The following PDPN variants were observed in gnomAD, a reference collection of about 807,000 sequenced individuals.
PDPN encodes PA2.26 antigen.
A neutral mutation model predicts 23.2 loss-of-function variants in PDPN; 12 were observed. That is an observed-to-expected ratio of 0.52 (90% CI 0.33 to 0.84). PDPN has a LOEUF of 0.84. Among genes scored for constraint, PDPN ranks in the 40% least tolerant of loss-of-function variants. PDPN has a pLI of 0.02. For missense variants in PDPN, 199 were observed against 212.2 expected (o/e 0.94, Z 0.39); for synonymous variants, 77 against 76.7 (o/e 1.00, Z -0.02).
intron 2 of PDPN, among the ~76,000 whole-genome samples, chr1:13,610,037 C>T (rs550074581): frequency 1.3e-5 from 2 of 152,214 alleles, no homozygotes; most frequent in Middle Eastern, 3.4e-3. Flanking sequence ...GCACTCCAGC[C>T]TGGGCAACAA....
At chr1:13,590,478 C>T (rs1640310443) in intron 1 of PDPN, among the ~76,000 whole-genome samples, 1 of 152,104 alleles carries the variant, frequency 6.6e-6, no homozygotes, top group South Asian at 2.1e-4. Context: ...CTAGAAAAAG[C>T]CTTGTGGGGA....
chr1:13,585,033 C>T (rs1282341134), intron 1 of PDPN, among the ~76,000 whole-genome samples: 2 of 152,216 alleles, frequency 1.3e-5, no homozygotes, highest in African/African-American at 2.4e-5. Flanking sequence ...GACGCAGCTA[C>T]ATCCAGCCAT....
intron 2 of PDPN, 32 bp downstream of exon 2, chr1:13,607,338 C>T (rs569347079): frequency 5.6e-5 from 89 of 1,595,986 alleles, no homozygotes; most frequent in Admixed American, 2.0e-4. Context: ...GAATTTTTTC[C>T]GTAGGCATGT....
intron 1 of PDPN, among the ~76,000 whole-genome samples, chr1:13,602,858 G>A (rs1056062657): frequency 2.6e-5 from 4 of 151,402 alleles, no homozygotes; most frequent in Admixed American, 6.6e-5. Context: ...GTGAGCCACC[G>A]TGCCTGGCCA....
At chr1:13,602,085 G>A (rs756899803) in intron 1 of PDPN, among the ~76,000 whole-genome samples, 2 of 152,156 alleles carry the variant, frequency 1.3e-5, no homozygotes, top group East Asian at 1.9e-4. Context: ...TCAGCACTTC[G>A]GGAGGCCGAG....
chr1:13,590,516 A>C (rs554346755), intron 1 of PDPN, among the ~76,000 whole-genome samples: 73 of 152,224 alleles, frequency 4.8e-4, no homozygotes, highest in African/African-American at 1.6e-3. Flanking sequence ...GGCTGTGAAA[A>C]ATGGTGGGGT....
Position 13,584,074 on chromosome 1 carries a change from C to A in PDPN, c.41C>A (p.Ala14Glu). The A allele has an allele frequency of 6.2e-7, 1 of 1,613,062 alleles. No individual in the cohort carries two copies. Among genetic ancestry groups the A allele is most frequent in the Non-Finnish European group, 8.5e-7 (1 of 1,179,956 alleles). Residue 14 changes from alanine to glutamate, a missense_variant, in exon 1 of 6, where the codon GCG becomes GAG. By Grantham distance (107) the Ala-to-Glu change is moderately radical (BLOSUM62 -1). Coordinates refer to ENST00000621990, the MANE Select transcript of PDPN (RefSeq NM_006474.5). Reference protein sequence around the residue: ...VSALLFVLGSASLWVLAEGAS... With the variant: ...VSALLFVLGSESLWVLAEGAS... The stretch of plus-strand genomic sequence containing the variant: ...GCTCTGCTCTTCGTTTTGGGAAGCG[C>A]GTCGCTCTGGGTCCTGGCAGAAGGA...
At chr1:13,591,872 T>C (rs946009939) in intron 1 of PDPN, among the ~76,000 whole-genome samples, 1 of 152,362 alleles carries the variant, frequency 6.6e-6, no homozygotes, top group Admixed American at 6.5e-5. Context: ...TTTAACTTTT[T>C]GAGGAACTGC....
rs1476038718 is a variant in PDPN, at chr1:13,599,682, A to AT, written c.68-7484dup. On this transcript the variant is annotated intron_variant, in intron 1 of 5. Coordinates refer to ENST00000621990, the MANE Select transcript of PDPN (RefSeq NM_006474.5). ...TAATAGCTTATCTGATGTGTTGCTT[A>AT]TTTTTTTATGGTGACCCCACCCCAC... 5.3e-5 allele frequency among the ~76,000 whole-genome samples: 8 copies of AT among 152,038 alleles called. No homozygotes were observed. The East Asian group carries it at 1.4e-3, about 26-fold the overall frequency.
chr1:13,603,591 C>CT lies in PDPN; in HGVS notation c.68-3567dup, dbSNP rs200337029. On this transcript the variant is annotated intron_variant, in intron 1 of 5. Coordinates refer to ENST00000621990, the MANE Select transcript of PDPN (RefSeq NM_006474.5). ...CTAGGAAATAGAAACTTCAGCCTAG[C>CT]TTTTTTTTTTTTTTTAAGACAGAGT... 1.8e-3 allele frequency among the ~76,000 whole-genome samples: 247 copies of CT among 141,020 alleles called. 1 individual carries two copies. Among genetic ancestry groups the CT allele is most frequent in the South Asian group, 4.6e-3 (20 of 4,376 alleles). The allele number at this position is 141,020 out of a possible 152,430, so 92.5% of individuals were successfully genotyped here. A position where few individuals can be genotyped will look rare whatever the true frequency, so the allele number is the denominator to read the frequency against.
At chr1:13,585,734 T>G in intron 1 of PDPN, 1 of 1,000,660 alleles carries the variant, frequency 1.0e-6, no homozygotes. Context: ...GCTGGCTGAG[T>G]GAGGGTGGGT....
intron 1 of PDPN, chr1:13,595,760 C>T (rs576035428): frequency 2.1e-5 from 15 of 712,426 alleles, no homozygotes; most frequent in South Asian, 2.0e-4. Context: ...AATTGAACGG[C>T]AGGGCAGCCA....
At chr1:13,602,092 C>T (rs969545947) in intron 1 of PDPN, among the ~76,000 whole-genome samples, 5 of 150,704 alleles carry the variant, frequency 3.3e-5, no homozygotes, top group East Asian at 1.9e-4. Context: ...TTCGGGAGGC[C>T]GAGGCGGGTG....
intron 1 of PDPN, among the ~76,000 whole-genome samples, chr1:13,598,599 G>C (rs561229024): frequency 1.3e-5 from 2 of 152,012 alleles, no homozygotes; most frequent in South Asian, 4.2e-4. Flanking sequence ...CCCTTCACAC[G>C]CCAAATGCAA....
Position 13,617,040 on chromosome 1 carries a change from A to G in PDPN, c.*1129A>G, listed in dbSNP as rs1641089620. The G allele has an allele frequency of 6.6e-6, 1 of 152,242 alleles. No homozygotes were observed. 9.4% of individuals were successfully genotyped at this position (152,242 alleles called of 1,614,324 possible). On this transcript the variant is annotated 3_prime_UTR_variant, in exon 6 of 6. Transcript: ENST00000621990. Reference sequence around the variant, plus strand: ...AAAATAGAAGACATCCCCAGTCCTCATGACATACCGCAAATATCTGTGGGG... The same window carrying G: ...AAAATAGAAGACATCCCCAGTCCTCGTGACATACCGCAAATATCTGTGGGG...
rs1640121729 is a variant in PDPN, at chr1:13,584,426, G to A, written c.67+326G>A. The stretch of plus-strand genomic sequence containing the variant: ...TTCACAGTAGGCAGCCCCGCTTGCT[G>A]GCAGCAGTGGCTGGGGTTTCCTTCC... On this transcript the variant is annotated intron_variant, in intron 1 of 5. Transcript: ENST00000621990. 5.4e-6 allele frequency: 5 copies of A among 929,556 alleles called. No homozygotes were observed. In the South Asian group the frequency reaches 9.0e-5, roughly 17 times the overall value. The allele number at this position is 929,556 out of a possible 1,614,324, so 57.6% of individuals were successfully genotyped here.
chr1:13,604,948 C>A (rs548876652), intron 1 of PDPN, among the ~76,000 whole-genome samples: 3 of 152,132 alleles, frequency 2.0e-5, no homozygotes, highest in Non-Finnish European at 4.4e-5. Flanking sequence ...TGGAAATATT[C>A]GGTTATTGCT....
intron 1 of PDPN, among the ~76,000 whole-genome samples, chr1:13,599,867 G>T (rs983548772): frequency 1.3e-5 from 2 of 152,178 alleles, no homozygotes; most frequent in African/African-American, 4.8e-5. Flanking sequence ...GTGAACTCAT[G>T]CAGGCTTCAG....
chr1:13,598,513 C>T lies in PDPN; in HGVS notation c.68-8660C>T, dbSNP rs145007954. On this transcript the variant is annotated intron_variant, in intron 1 of 5. Transcript: ENST00000621990. ...CCTGGCACCTTCCCTGATACACACACACTATTCACTTACTTGACTTAGAGT... is the reference window on the plus strand; with the variant it reads ...CCTGGCACCTTCCCTGATACACACATACTATTCACTTACTTGACTTAGAGT... Among the ~76,000 whole-genome samples the T allele has an allele frequency of 2.6e-3, 402 of 152,320 alleles. 5 individuals are homozygous for T. The highest frequency in any genetic ancestry group is 8.6e-3 in the African/African-American group (356 of 41,556).
Sources: allele counts gnomAD v4.1 joint callset (sites outside exome capture counted in the v4.1 genomes callset), GRCh38; gene constraint gnomAD v4.1.1; transcripts MANE v1.5; gene names NCBI Gene and HGNC (gene_info 2026-07-23, HGNC 2026-07-21).